CALU: variants seen among roughly 807,000 people sequenced by gnomAD.
The protein encoded by CALU is calumenin.
Under a neutral mutation model 37.5 loss-of-function variants are expected in CALU, and 13 were observed. The observed-to-expected ratio is 0.35, with a 90% CI of 0.23 to 0.55. The LOEUF (loss-of-function observed/expected upper bound fraction) is 0.55, where lower values mean the gene tolerates loss of function less well. CALU is among the 20% of genes least tolerant of loss of function. The probability of loss-of-function intolerance (pLI) is 0.89; values close to 1 mark genes in which losing one functional copy is unlikely to be tolerated. For missense variants in CALU, 282 were observed against 391.7 expected, an observed-to-expected ratio of 0.72 and a Z score of 2.36; for synonymous variants, 114 against 133.8, an observed-to-expected ratio of 0.85 and a Z score of 1.02.
chr7:128,761,631 A>T (rs1008255233), intron 5 of CALU: 1 of 152,238 alleles, frequency 6.6e-6, no homozygotes, highest in African/African-American at 2.4e-5. Flanking sequence ...AAAGTATAAG[A>T]CTGTTACTAC....
chr7:128,768,311 T>G (rs1183313867), intron 6 of CALU, among the ~76,000 whole-genome samples: 2 of 152,164 alleles, frequency 1.3e-5, no homozygotes, highest in Non-Finnish European at 2.9e-5. Context: ...TTTTAGAGCC[T>G]TTTTAAGTGT....
chr7:128,750,339 G>A (rs1800625417), intron 2 of CALU, among the ~76,000 whole-genome samples: 1 of 151,862 alleles, frequency 6.6e-6, no homozygotes, highest in African/African-American at 2.4e-5. Context: ...TTTTTTCACA[G>A]AATTAACTCT....
In CALU at chr7:128,772,068, T is replaced by G. The variant is rs886484839; in HGVS notation, c.*2901T>G. ...GGGGCCACTGAGTTTTTTTTGTTTTTTTTTTTGTTTTGTTTTGTTTTTTCT... is the reference window on the plus strand; with the variant it reads ...GGGGCCACTGAGTTTTTTTTGTTTTGTTTTTTGTTTTGTTTTGTTTTTTCT... On this transcript the variant is annotated 3_prime_UTR_variant, in exon 7 of 7. Transcript: ENST00000249364. Among the ~76,000 whole-genome samples, 11 of 77,048 alleles carry G rather than the reference T, an allele frequency of 1.4e-4. No individual in the cohort carries two copies. The highest frequency in any genetic ancestry group is 2.4e-4 in the Non-Finnish European group (6 of 25,392). The allele number at this position is 77,048 out of a possible 152,430, so 50.5% of individuals were successfully genotyped here.
intron 5 of CALU, among the ~76,000 whole-genome samples, chr7:128,762,005 T>A (rs1801136018): frequency 6.6e-6 from 1 of 151,926 alleles, no homozygotes; most frequent in African/African-American, 2.4e-5. Flanking sequence ...TAAAGAAGGA[T>A]GAGCAATGGA....
rs905368807 is a variant in CALU at position 128,770,526 on chromosome 7, G to A, written c.*1359G>A. On this transcript the variant is annotated 3_prime_UTR_variant, in exon 7 of 7. Coordinates refer to ENST00000249364, the MANE Select transcript of CALU (RefSeq NM_001219.5). Reference sequence around the variant, plus strand: ...TTGAGGACCATGGCTTACCTTTCCTGCCTTTGACCCATCACACCCCATTTC... The same window carrying A: ...TTGAGGACCATGGCTTACCTTTCCTACCTTTGACCCATCACACCCCATTTC... 3.4e-5 allele frequency: 5 copies of A among 149,174 alleles called. No homozygotes were observed. The Admixed American group carries it at 3.4e-4, about 10-fold the overall frequency. 9.2% of individuals were successfully genotyped at this position (149,174 alleles called of 1,614,324 possible).
chr7:128,766,463 C>G (rs1209331940), intron 5 of CALU, among the ~76,000 whole-genome samples: 1 of 120,050 alleles, frequency 8.3e-6, no homozygotes, highest in Non-Finnish European at 1.6e-5. Flanking sequence ...GAGTCTTGCT[C>G]TGTCGCCCAG....
At chr7:128,741,131 G>C (rs1411018155) in intron 1 of CALU, among the ~76,000 whole-genome samples, 1 of 152,212 alleles carries the variant, frequency 6.6e-6, no homozygotes, top group Non-Finnish European at 1.5e-5. Context: ...ATGCTAGCTA[G>C]GCCACAAGGC....
rs772603098 is a variant in CALU at position 128,769,204 on chromosome 7, A to ATT, written c.*41_*42dup. 9.5e-7 allele frequency: 1 copy of ATT among 1,056,844 alleles called. No homozygotes were observed. Among genetic ancestry groups the ATT allele is most frequent in the Non-Finnish European group, 1.4e-6 (1 of 694,974 alleles). The allele number at this position is 1,056,844 out of a possible 1,614,324, so 65.5% of individuals were successfully genotyped here. A position where few individuals can be genotyped will look rare whatever the true frequency, so the allele number is the denominator to read the frequency against. ...ACCCTCATTTCCTCAAAAGTAATTT[A>ATT]TTTTTACAGCTTCTGGTTTCACATG... On this transcript the variant is annotated 3_prime_UTR_variant, in exon 7 of 7. Coordinates refer to ENST00000249364, the MANE Select transcript of CALU (RefSeq NM_001219.5).
At chr7:128,760,668 G>A (rs554278174) in intron 5 of CALU, among the ~76,000 whole-genome samples, 6 of 152,296 alleles carry the variant, frequency 3.9e-5, no homozygotes, top group African/African-American at 4.8e-5. Flanking sequence ...CAGCACTTTG[G>A]GAGGCCGAGG....
chr7:128,768,866 A>AAAAAAAAAAAAAAAAAG (rs1801444054), intron 6 of CALU, among the ~76,000 whole-genome samples, 197 bp from the exon 7 acceptor site: 1 of 150,894 alleles, frequency 6.6e-6, no homozygotes, highest in Non-Finnish European at 1.5e-5. Flanking sequence ...AAAAAAAAAA[A>AAAAAAAAAAAAAAAAAG]AACAAGGAAT....
Position 128,773,019 on chromosome 7 carries a change from C to G in CALU, c.*3852C>G, listed in dbSNP as rs1219386821. Among the ~76,000 whole-genome samples, 1 of 152,202 alleles carries G rather than the reference C, an allele frequency of 6.6e-6. No individual in the cohort carries two copies. Among genetic ancestry groups the G allele is most frequent in the Non-Finnish European group, 1.5e-5 (1 of 68,034 alleles). On this transcript the variant is annotated 3_prime_UTR_variant, in exon 7 of 7. Coordinates refer to ENST00000249364, the MANE Select transcript of CALU (RefSeq NM_001219.5). ...GGGAGGTTTCAAATTAGTTTTGAGT[C>G]TACCTCTGGGATTGAGGAAACAATA...
chr7:128,743,920 T>C (rs1563125486), intron 1 of CALU, among the ~76,000 whole-genome samples: 1 of 152,192 alleles, frequency 6.6e-6, no homozygotes, highest in Non-Finnish European at 1.5e-5. Context: ...AAATGAAGTG[T>C]ACTGGCTGGT....
intron 2 of CALU, among the ~76,000 whole-genome samples, chr7:128,751,883 A>G (rs1336533216): frequency 6.6e-6 from 1 of 152,200 alleles, no homozygotes; most frequent in Admixed American, 6.5e-5. Flanking sequence ...TACCTCCTAA[A>G]AGAAATAACA....
intron 6 of CALU, 77 bp from the exon 7 acceptor site, chr7:128,768,986 A>G: frequency 2.5e-6 from 2 of 812,976 alleles, no homozygotes; most frequent in Admixed American, 4.2e-5. Context: ...ATTAACCCCA[A>G]TTCTTCTATA....
At chr7:128,763,811 C>A (rs1801216569) in intron 5 of CALU, among the ~76,000 whole-genome samples, 1 of 152,174 alleles carries the variant, frequency 6.6e-6, no homozygotes, top group Non-Finnish European at 1.5e-5. Context: ...ATTGGCAAGT[C>A]CTGCTGTGAG....
In CALU at chr7:128,748,610, C is replaced by T. The variant is rs1480208134; in HGVS notation, c.27C>T (p.Cys9=). The T allele has an allele frequency of 3.7e-6, 6 of 1,613,928 alleles. No individual in the cohort carries two copies. The highest frequency in any genetic ancestry group is 5.1e-6 in the Non-Finnish European group (6 of 1,179,924). The change falls in exon 2 of 7, where the codon TGC becomes TGT. Residue 9 remains cysteine (C), a synonymous_variant. Transcript: ENST00000249364. ...TGGACCTGCGACAGTTTCTTATGTG[C>T]CTGTCCCTGTGCACAGCCTTTGCCT... MDLRQFLM[C]LSLCTAFALS...
In CALU at chr7:128,758,834, A is replaced by G. The variant is rs757745219; in HGVS notation, c.416-37A>G. 13 of 1,439,462 alleles carry G rather than the reference A, an allele frequency of 9.0e-6. No individual in the cohort carries two copies. In the South Asian group the frequency reaches 1.3e-4, roughly 15 times the overall value. 89.2% of individuals were successfully genotyped at this position (1,439,462 alleles called of 1,614,324 possible). A position where few individuals can be genotyped will look rare whatever the true frequency, so the allele number is the denominator to read the frequency against. On this transcript the variant is annotated intron_variant, in intron 3 of 6. Coordinates refer to ENST00000249364, the MANE Select transcript of CALU (RefSeq NM_001219.5). ...CCCACACATTTTCATGTTTTCTGAAAGTCTTTTAAGATTTGACCTAAATTT... is the reference window on the plus strand; with the variant it reads ...CCCACACATTTTCATGTTTTCTGAAGGTCTTTTAAGATTTGACCTAAATTT...
chr7:128,750,039 A>T (rs560066876), intron 2 of CALU, among the ~76,000 whole-genome samples: 3 of 152,162 alleles, frequency 2.0e-5, no homozygotes, highest in Admixed American at 6.5e-5. Context: ...ATCCTGGCTA[A>T]CACTGTGAAA....
chr7:128,744,179 C>G (rs1036290254), intron 1 of CALU, among the ~76,000 whole-genome samples: 6 of 152,174 alleles, frequency 3.9e-5, no homozygotes, highest in African/African-American at 1.2e-4. Flanking sequence ...GCACTCCATC[C>G]TGGGCAACAG....
Sources: gnomAD v4.1 joint callset for allele counts (sites outside exome capture counted in the v4.1 genomes callset) on GRCh38, gnomAD v4.1.1 for gene constraint, MANE v1.5 for transcripts, NCBI Gene and HGNC (gene_info 2026-07-23, HGNC 2026-07-21) for gene names.